TAS2R1: variants seen among roughly 807,000 people sequenced by gnomAD.
TAS2R1 encodes taste 2 receptor member 1, also known as taste receptor type 2 member 1.
For synonymous variants in TAS2R1, 141 were observed against 134.2 expected (o/e 1.05, Z -0.35); for missense variants, 370 against 353.4 (o/e 1.05, Z -0.38).
intron 1 of TAS2R1, among the ~76,000 whole-genome samples, chr5:9,680,134 T>C (rs1740965222): frequency 6.6e-6 from 1 of 152,256 alleles, no homozygotes; most frequent in African/African-American, 2.4e-5. Flanking sequence ...TGTTAAAGAT[T>C]GTGTACACCA....
Position 9,629,691 on chromosome 5 carries a change from G to T in TAS2R1, c.342C>A (p.Leu114=), listed in dbSNP as rs749198728. ...ATATCCTCATCTTCAACCAGATGAA[G>T]AGTGGGTGACGGACGCTGGCAACCT... The part of the protein sequence containing the change: ...CAKVASVRHP[L]FIWLKMRISK... The change falls in exon 1 of 1, where the codon CTC becomes CTA. Residue 114 remains leucine, a synonymous_variant. Transcript: ENST00000382492. 6.2e-7 allele frequency: 1 copy of T among 1,614,154 alleles called. No individual in the cohort carries two copies. The highest frequency in any genetic ancestry group is 1.1e-5 in the South Asian group (1 of 91,060).
chr5:9,706,205 T>C (rs753364688), intron 1 of TAS2R1, among the ~76,000 whole-genome samples: 5 of 152,230 alleles, frequency 3.3e-5, no homozygotes, highest in Non-Finnish European at 5.9e-5. Context: ...CCATTTCTTA[T>C]GGTGACAATT....
chr5:9,803,341 T>C, the TAS2R1 span, among the ~76,000 whole-genome samples: 2 of 152,194 alleles, frequency 1.3e-5, no homozygotes, highest in East Asian at 3.8e-4. Context: ...TGAGGAAAAC[T>C]TTCCTGGCCT....
At chr5:9,772,201 A>G in the TAS2R1 span, among the ~76,000 whole-genome samples, 4 of 151,862 alleles carry the variant, frequency 2.6e-5, no homozygotes, top group African/African-American at 9.7e-5. Context: ...GGTACGTTAT[A>G]TTGCCATTAT....
chr5:9,877,170 C>G, the TAS2R1 span, among the ~76,000 whole-genome samples: 4 of 152,198 alleles, frequency 2.6e-5, no homozygotes, highest in South Asian at 6.2e-4. Context: ...CTTATATTTT[C>G]ACAACTGGCC....
At chr5:9,877,546 T>C in the TAS2R1 span, among the ~76,000 whole-genome samples, 2 of 152,314 alleles carry the variant, frequency 1.3e-5, no homozygotes, top group East Asian at 3.9e-4. Flanking sequence ...ATTAATACAT[T>C]TAGAAGTAAA....
At chr5:9,645,867 A>G (rs1291005943) in intron 2 of TAS2R1, among the ~76,000 whole-genome samples, 1 of 152,164 alleles carries the variant, frequency 6.6e-6, no homozygotes, top group Admixed American at 6.5e-5. Flanking sequence ...AGAATATGTC[A>G]GCCTCAGAAC....
intron 2 of TAS2R1, among the ~76,000 whole-genome samples, chr5:9,656,121 C>T (rs527771031): frequency 6.6e-5 from 10 of 152,240 alleles, no homozygotes; most frequent in South Asian, 2.1e-4. Flanking sequence ...AAGGGCAATG[C>T]TACAGTCCAA....
At chr5:9,791,173 G>A in the TAS2R1 span, among the ~76,000 whole-genome samples, 1 of 152,110 alleles carries the variant, frequency 6.6e-6, no homozygotes, top group East Asian at 1.9e-4. Flanking sequence ...GCTGTGAAGT[G>A]CATTATAGTG....
chr5:9,854,471 T>A, the TAS2R1 span: 1 of 152,140 alleles, frequency 6.6e-6, no homozygotes, highest in Non-Finnish European at 1.5e-5. Flanking sequence ...TCCATAACAG[T>A]CTGTAGCGTC....
the TAS2R1 span, among the ~76,000 whole-genome samples, chr5:9,752,672 T>C: frequency 6.6e-6 from 1 of 152,120 alleles, no homozygotes; most frequent in South Asian, 2.1e-4. Flanking sequence ...TAACATTAGG[T>C]ATATCTCCTA....
the TAS2R1 span, among the ~76,000 whole-genome samples, chr5:9,877,339 G>C: frequency 6.6e-6 from 1 of 152,102 alleles, no homozygotes; most frequent in Non-Finnish European, 1.5e-5. Flanking sequence ...AGAAAAAGAA[G>C]AGATTTTAGA....
chr5:9,787,588 C>T, the TAS2R1 span, among the ~76,000 whole-genome samples: 1 of 152,200 alleles, frequency 6.6e-6, no homozygotes, highest in East Asian at 1.9e-4. Flanking sequence ...TGCAAGCTCA[C>T]TAGCCAAGTG....
the TAS2R1 span, among the ~76,000 whole-genome samples, chr5:9,813,600 T>C: frequency 6.6e-6 from 1 of 152,210 alleles, no homozygotes; most frequent in Non-Finnish European, 1.5e-5. Flanking sequence ...GAAAGGTTTG[T>C]TTGTTCTAAG....
At chr5:9,876,377 G>A in the TAS2R1 span, among the ~76,000 whole-genome samples, 3 of 152,258 alleles carry the variant, frequency 2.0e-5, no homozygotes, top group Admixed American at 6.5e-5. Context: ...CTTCTTTATA[G>A]TGTCATTAAA....
chr5:9,681,852 C>G (rs1291397946), intron 1 of TAS2R1, among the ~76,000 whole-genome samples: 1 of 152,100 alleles, frequency 6.6e-6, no homozygotes, highest in Non-Finnish European at 1.5e-5. Context: ...CCAAAAGAAA[C>G]AAAAGTGGCA....
At chr5:9,839,821 C>T in the TAS2R1 span, among the ~76,000 whole-genome samples, 891 of 152,012 alleles carry the variant, frequency 5.9e-3, 4 homozygotes, top group African/African-American at 0.018. Context: ...AAAGTATAGT[C>T]ATTTTTCCTG....
At chr5:9,757,952 T>C in the TAS2R1 span, among the ~76,000 whole-genome samples, 5 of 152,122 alleles carry the variant, frequency 3.3e-5, no homozygotes, top group Non-Finnish European at 7.4e-5. Flanking sequence ...AACATGTATA[T>C]ACAGTTAATA....
chr5:9,873,195 A>T, the TAS2R1 span, among the ~76,000 whole-genome samples: 1 of 151,950 alleles, frequency 6.6e-6, no homozygotes, highest in South Asian at 2.1e-4. Context: ...CCCACGCTGC[A>T]CTAGGCTGGC....
Sources: gnomAD v4.1 joint callset for allele counts (sites outside exome capture counted in the v4.1 genomes callset) on GRCh38, gnomAD v4.1.1 for gene constraint, MANE v1.5 for transcripts, NCBI Gene and HGNC (gene_info 2026-07-23, HGNC 2026-07-21) for gene names.